The following SLC19A2 variants were observed in gnomAD, a reference collection of about 807,000 sequenced individuals.
SLC19A2 encodes solute carrier family 19 member 2, also known as thiamine transporter 1.
A neutral mutation model predicts 44.7 loss-of-function variants in SLC19A2; 27 were observed. That is an observed-to-expected ratio of 0.60 (90% CI 0.45 to 0.83). SLC19A2 has a LOEUF of 0.83. SLC19A2 is among the 40% of genes least tolerant of loss of function. SLC19A2 has a pLI of 0.00. For synonymous variants in SLC19A2, 239 were observed against 243.6 expected (o/e 0.98, Z 0.18); for missense variants, 566 against 613.7 (o/e 0.92, Z 0.82).
Position 169,485,783 on chromosome 1 carries a change from G to T in SLC19A2, c.-17C>A. On this transcript the variant is annotated 5_prime_UTR_variant, in exon 1 of 6. Transcript: ENST00000236137. The stretch of plus-strand genomic sequence containing the variant: ...CACATCCATCCGGGGCGCGAGGGGA[G>T]GGGACCCGGCCCGGCCCCTTCCTTC... 6.6e-7 allele frequency: 1 copy of T among 1,523,846 alleles called. No homozygotes were observed. Among genetic ancestry groups the T allele is most frequent in the Non-Finnish European group, 8.8e-7 (1 of 1,141,496 alleles). 94.4% of individuals were successfully genotyped at this position (1,523,846 alleles called of 1,614,324 possible). A position where few individuals can be genotyped will look rare whatever the true frequency, so the allele number is the denominator to read the frequency against.
intron 1 of SLC19A2, among the ~76,000 whole-genome samples, chr1:169,484,038 C>T (rs1430547592): frequency 1.3e-5 from 2 of 152,140 alleles, no homozygotes; most frequent in African/African-American, 4.8e-5. Context: ...CTGTTACGGT[C>T]GCTTATGTAA....
intron 2 of SLC19A2, among the ~76,000 whole-genome samples, chr1:169,473,330 G>T (rs1056917179): frequency 6.6e-6 from 1 of 151,914 alleles, no homozygotes; most frequent in Non-Finnish European, 1.5e-5. Flanking sequence ...TGCCTCCCGG[G>T]TTAAAGCAAC....
chr1:169,471,734 A>G (rs1658189117), intron 2 of SLC19A2, among the ~76,000 whole-genome samples: 1 of 141,072 alleles, frequency 7.1e-6, no homozygotes, highest in African/African-American at 2.6e-5. Context: ...TCATTTTTAT[A>G]AAATTAATAG....
chr1:169,485,674 G>C lies in SLC19A2; in HGVS notation c.93C>G (p.Phe31Leu). Reference protein sequence around the residue: ...RTARVRRECWFLPTALLCAYG... With the variant: ...RTARVRRECWLLPTALLCAYG... Reference sequence around the variant, plus strand: ...AGGCGCAGAGCAGCGCGGTCGGCAAGAACCAGCATTCGCGACGGACCCGAG... The same window carrying C: ...AGGCGCAGAGCAGCGCGGTCGGCAACAACCAGCATTCGCGACGGACCCGAG... The change falls in exon 1 of 6, where the codon TTC (phenylalanine) becomes TTG (leucine). Residue 31 changes from phenylalanine to leucine, a missense_variant. Physicochemically the swap from Phe to Leu is conservative, Grantham distance 22 (BLOSUM62 0). Coordinates refer to ENST00000236137, the MANE Select transcript of SLC19A2 (RefSeq NM_006996.3). 2 of 1,551,352 alleles carry C rather than the reference G, an allele frequency of 1.3e-6. No individual in the cohort carries two copies. Among genetic ancestry groups the C allele is most frequent in the Non-Finnish European group, 1.7e-6 (2 of 1,147,700 alleles).
intron 1 of SLC19A2, among the ~76,000 whole-genome samples, chr1:169,480,139 G>A (rs1034096435): frequency 2.0e-5 from 3 of 152,132 alleles, no homozygotes; most frequent in Non-Finnish European, 4.4e-5. Context: ...GAAATGATTC[G>A]TATTCAAAAC....
Position 169,477,686 on chromosome 1 carries a change from T to C in SLC19A2, c.276A>G (p.Thr92=). The C allele has an allele frequency of 6.2e-7, 1 of 1,613,710 alleles. No individual in the cohort carries two copies. The highest frequency in any genetic ancestry group is 8.5e-7 in the Non-Finnish European group (1 of 1,179,992). The part of the protein sequence containing the change: ...LVLLFPVFLA[T]DYLRYKPVVL... Reference sequence around the variant, plus strand: ...CAACAGGTTTATAACGGAGGTAGTCTGTGGCAAGGAACACAGGAAACAGTA... The same window carrying C: ...CAACAGGTTTATAACGGAGGTAGTCCGTGGCAAGGAACACAGGAAACAGTA... The change falls in exon 2 of 6, where the codon ACA becomes ACG. Residue 92 remains threonine (T), a synonymous_variant. Transcript: ENST00000236137.
At chr1:169,468,010 G>T in intron 5 of SLC19A2, 101 bp downstream of exon 5, 1 of 1,172,556 alleles carries the variant, frequency 8.5e-7, no homozygotes, top group Non-Finnish European at 1.3e-6. Context: ...CTTTACATCT[G>T]TTCCCTATTG....
In SLC19A2 at chr1:169,470,073, A is replaced by G. The variant is rs1391927098; in HGVS notation, c.921T>C (p.Cys307=). 2.5e-6 allele frequency: 4 copies of G among 1,614,052 alleles called. No homozygotes were observed. Among genetic ancestry groups the G allele is most frequent in the Non-Finnish European group, 3.4e-6 (4 of 1,179,942 alleles). ...TGTAGTTCACAACTTGAAAATAGCC[A>G]CAGGTAGAGAGGGCCCACCACACAG... The part of the protein sequence containing the change: ...CWSVWWALST[C]GYFQVVNYTQ... Residue 307 remains cysteine, a synonymous_variant, in exon 3 of 6, where the codon TGT becomes TGC. Coordinates refer to ENST00000236137, the MANE Select transcript of SLC19A2 (RefSeq NM_006996.3).
intron 1 of SLC19A2, among the ~76,000 whole-genome samples, chr1:169,480,127 T>C (rs769300417): frequency 2.0e-5 from 3 of 152,208 alleles, no homozygotes; most frequent in Non-Finnish European, 4.4e-5. Context: ...TCAAGAAATG[T>C]AGAAATGATT....
intron 1 of SLC19A2, 74 bp downstream of exon 1, chr1:169,485,489 G>C: frequency 6.7e-7 from 1 of 1,496,178 alleles, no homozygotes; most frequent in Non-Finnish European, 9.1e-7. Context: ...GCTTTTCTCG[G>C]TCCTCTCTTC....
In SLC19A2 at chr1:169,465,906, C is replaced by T; in HGVS notation, c.1437G>A (p.Met479Ile). Residue 479 changes from methionine to isoleucine, a missense_variant, in exon 6 of 6, where the codon ATG becomes ATA. By Grantham distance (10) the Met-to-Ile change is conservative. Transcript: ENST00000236137. ...GATCTTCCAGCTTTCTACATTTCTTCATAACACTGACTGCACCACTGGCCA... is the reference window on the plus strand; with the variant it reads ...GATCTTCCAGCTTTCTACATTTCTTTATAACACTGACTGCACCACTGGCCA... ...VFLASGAVSVMKKCRKLEDPQ... is the reference protein window; with the variant it reads ...VFLASGAVSVIKKCRKLEDPQ... The T allele has an allele frequency of 6.2e-7, 1 of 1,614,086 alleles. No individual in the cohort carries two copies. The highest frequency in any genetic ancestry group is 8.5e-7 in the Non-Finnish European group (1 of 1,179,962).
At chr1:169,481,186 CT>C (rs1453701779) in intron 1 of SLC19A2, among the ~76,000 whole-genome samples, 2 of 152,172 alleles carry the variant, frequency 1.3e-5, no homozygotes, top group African/African-American at 4.8e-5. Context: ...AGCACTTTCT[CT>C]AAATTCTCTC....
chr1:169,472,483 CAATA>C (rs1658209446), intron 2 of SLC19A2, among the ~76,000 whole-genome samples: 1 of 152,006 alleles, frequency 6.6e-6, no homozygotes, highest in African/African-American at 2.4e-5. Flanking sequence ...AAAATGATAA[CAATA>C]AAACCTATCC....
intron 2 of SLC19A2, among the ~76,000 whole-genome samples, chr1:169,476,691 G>C (rs541723098): frequency 1.3e-5 from 2 of 152,268 alleles, no homozygotes; most frequent in South Asian, 4.2e-4. Context: ...CTGTTCTCCA[G>C]CCTCAGCAAT....
rs1222483405 is a variant in SLC19A2 at position 169,470,161 on chromosome 1, A to T, written c.833T>A (p.Val278Glu). 6.2e-7 allele frequency: 1 copy of T among 1,613,930 alleles called. No homozygotes were observed. The highest frequency in any genetic ancestry group is 1.3e-5 in the African/African-American group (1 of 74,908). Residue 278 changes from valine (V) to glutamate (E), a missense_variant, in exon 3 of 6, where the codon GTA becomes GAA. Val to Glu is a moderately radical substitution (Grantham distance 121). Transcript: ENST00000236137. ...EPEPKPDRLL[V>E]LKVLWNDFLM... ...GAAATCATTCCATAGTACTTTCAAT[A>T]CAAGGAGACGGTCTGGCTTGGGTTC...
chr1:169,473,253 T>A (rs991522973), intron 2 of SLC19A2, among the ~76,000 whole-genome samples: 12 of 152,086 alleles, frequency 7.9e-5, no homozygotes, highest in Non-Finnish European at 1.2e-4. Flanking sequence ...TTATTTATTT[T>A]TTTGAGACAG....
At chr1:169,471,114 CA>C (rs1270169351) in intron 2 of SLC19A2, among the ~76,000 whole-genome samples, 1 of 148,956 alleles carries the variant, frequency 6.7e-6, no homozygotes, top group African/African-American at 2.5e-5. Flanking sequence ...CATGGAAAGG[CA>C]AAATGAGAGC....
At chr1:169,482,606 G>A (rs1658466894) in intron 1 of SLC19A2, among the ~76,000 whole-genome samples, 1 of 152,186 alleles carries the variant, frequency 6.6e-6, no homozygotes. Context: ...TATAATATAT[G>A]CAGTATTTAT....
chr1:169,468,314 T>C (rs570244298), intron 4 of SLC19A2, 62 bp from the exon 5 acceptor site: 52 of 1,388,678 alleles, frequency 3.7e-5, no homozygotes, highest in Non-Finnish European at 5.0e-5. Context: ...ATAATATTTA[T>C]TCTAAATAAA....
Sources: allele counts gnomAD v4.1 joint callset (sites outside exome capture counted in the v4.1 genomes callset), GRCh38; gene constraint gnomAD v4.1.1; transcripts MANE v1.5; gene names NCBI Gene and HGNC (gene_info 2026-07-23, HGNC 2026-07-21).